The following SND1 variants were observed in gnomAD, a reference collection of about 807,000 sequenced individuals.
SND1 encodes staphylococcal nuclease and tudor domain containing 1, also known as staphylococcal nuclease domain-containing protein 1.
In SND1, 38 loss-of-function variants were observed where a neutral mutation model predicts 121.7. That is an observed-to-expected ratio of 0.31 (90% confidence interval 0.24 to 0.41). The LOEUF is 0.41. Among genes scored for constraint, SND1 ranks in the 10% least tolerant of loss-of-function variants. The probability of loss-of-function intolerance (pLI) is 1.00; values close to 1 mark genes in which losing one functional copy is unlikely to be tolerated. For missense variants in SND1, 868 were observed against 1,184.6 expected, an observed-to-expected ratio of 0.73 and a Z score of 3.92; for synonymous variants, 401 against 447.4, an observed-to-expected ratio of 0.90 and a Z score of 1.31.
intron 10 of SND1, among the ~76,000 whole-genome samples, chr7:127,796,108 T>C (rs369891003): frequency 1.3e-5 from 2 of 151,938 alleles, no homozygotes; most frequent in Admixed American, 1.3e-4. Flanking sequence ...CCGCCCTCCT[T>C]GGCCTCCCAA....
rs114010584 is a variant in SND1 at position 127,785,855 on chromosome 7, A to G, written c.1153-21629A>G. Among the ~76,000 whole-genome samples the G allele has an allele frequency of 9.3e-3, 1,417 of 152,356 alleles. 25 individuals are homozygous for G. The highest frequency in any genetic ancestry group is 0.032 in the African/African-American group (1,345 of 41,586). On this transcript the variant is annotated intron_variant, in intron 10 of 23. Transcript: ENST00000354725. ...GCACAGATCATTGAATTTAAGTTAT[A>G]CTGAGATTGCAGAAGATCTGCCTGC...
intron 16 of SND1, among the ~76,000 whole-genome samples, chr7:128,072,023 A>G (rs1371626114): frequency 6.6e-6 from 1 of 152,244 alleles, no homozygotes; most frequent in Non-Finnish European, 1.5e-5. Flanking sequence ...TGCACCCTGC[A>G]GTGTTGGCCC....
intron 2 of SND1, among the ~76,000 whole-genome samples, chr7:127,688,586 G>A (rs1170818089): frequency 6.6e-6 from 1 of 151,598 alleles, no homozygotes; most frequent in Non-Finnish European, 1.5e-5. Context: ...GCCAGGCATG[G>A]TGGTGCATGC....
intron 10 of SND1, among the ~76,000 whole-genome samples, chr7:127,736,797 G>C (rs140649671): frequency 1.6e-3 from 247 of 152,266 alleles, no homozygotes; most frequent in Non-Finnish European, 3.1e-3. Flanking sequence ...TGAAATAAAG[G>C]GTAGAGTGGA....
chr7:127,761,089 A>G (rs1797297465), intron 10 of SND1, among the ~76,000 whole-genome samples: 1 of 152,148 alleles, frequency 6.6e-6, no homozygotes, highest in Non-Finnish European at 1.5e-5. Context: ...TCACATCTCC[A>G]TATGGTTTTC....
intron 10 of SND1, among the ~76,000 whole-genome samples, chr7:127,745,346 A>G (rs1796961838): frequency 6.6e-6 from 1 of 152,180 alleles, no homozygotes; most frequent in East Asian, 1.9e-4. Context: ...AGTAAATTTT[A>G]TGGGACCACC....
chr7:127,743,854 G>A lies in SND1; in HGVS notation c.1152+22454G>A, dbSNP rs1304914812. On this transcript the variant is annotated intron_variant, in intron 10 of 23. Coordinates refer to ENST00000354725, the MANE Select transcript of SND1 (RefSeq NM_014390.4). ...TATTTTTCCTGTTGAAATTGGCCAA[G>A]GCAATCATGGCTATGGTAGAAGTCT... Among the ~76,000 whole-genome samples, 7 of 152,310 alleles carry A rather than the reference G, an allele frequency of 4.6e-5. No homozygotes were observed. In the East Asian group the frequency reaches 7.7e-4, roughly 17 times the overall value.
intron 1 of SND1, among the ~76,000 whole-genome samples, chr7:127,680,898 G>T (rs761605553): frequency 4.0e-4 from 61 of 151,936 alleles, no homozygotes; most frequent in Admixed American, 3.3e-4. Context: ...GTAAAGACAG[G>T]CATAAGAAAT....
intron 11 of SND1, among the ~76,000 whole-genome samples, chr7:127,828,619 G>C (rs1011048844): frequency 6.6e-6 from 1 of 152,164 alleles, no homozygotes; most frequent in African/African-American, 2.4e-5. Flanking sequence ...TTTTGGCTTT[G>C]TTCTTCTTTC....
intron 10 of SND1, among the ~76,000 whole-genome samples, chr7:127,725,912 T>G (rs1447027217): frequency 6.6e-6 from 1 of 152,224 alleles, no homozygotes; most frequent in Non-Finnish European, 1.5e-5. Context: ...AATGGGACTT[T>G]CCCTTCAAGG....
chr7:127,702,568 T>G, intron 6 of SND1, 42 bp downstream of exon 6: 1 of 1,505,228 alleles, frequency 6.6e-7, no homozygotes. Context: ...TTAGAGTGTG[T>G]GGATGTTCAG....
At chr7:127,822,840 C>T (rs1303624263) in intron 11 of SND1, among the ~76,000 whole-genome samples, 1 of 152,124 alleles carries the variant, frequency 6.6e-6, no homozygotes, top group Admixed American at 6.5e-5. Context: ...TAATCAATAT[C>T]CTGTTGTTGG....
At chr7:128,039,754 G>T (rs1792816123) in intron 16 of SND1, among the ~76,000 whole-genome samples, 1 of 152,134 alleles carries the variant, frequency 6.6e-6, no homozygotes, top group South Asian at 2.1e-4. Context: ...CAAAGGGAGT[G>T]GGGGCTGTTG....
intron 15 of SND1, among the ~76,000 whole-genome samples, chr7:127,952,681 A>G (rs1014930298): frequency 6.6e-6 from 1 of 152,060 alleles, no homozygotes; most frequent in Admixed American, 6.5e-5. Flanking sequence ...ACAGTTAACA[A>G]CAATCTAGAT....
chr7:127,706,403 C>T (rs1796200549), intron 8 of SND1, among the ~76,000 whole-genome samples: 2 of 151,880 alleles, frequency 1.3e-5, no homozygotes, highest in South Asian at 4.2e-4. Context: ...ACTACAGGCG[C>T]ATGCCACCAC....
intron 15 of SND1, among the ~76,000 whole-genome samples, chr7:127,984,585 A>G (rs1802343368): frequency 6.6e-6 from 1 of 152,192 alleles, no homozygotes; most frequent in African/African-American, 2.4e-5. Flanking sequence ...TTCATTCAAC[A>G]TTTATTGAGC....
chr7:128,059,346 C>T (rs969257863), intron 16 of SND1, among the ~76,000 whole-genome samples: 1 of 152,214 alleles, frequency 6.6e-6, no homozygotes, highest in Non-Finnish European at 1.5e-5. Flanking sequence ...CGTGTCTTCT[C>T]ATCTAAATCA....
intron 16 of SND1, among the ~76,000 whole-genome samples, chr7:128,035,742 A>T (rs188769357): frequency 7.9e-4 from 120 of 152,324 alleles, no homozygotes; most frequent in African/African-American, 2.6e-3. Flanking sequence ...CTTCAATAGC[A>T]CCAGTCTGCA....
At chr7:127,814,052 A>C (rs753405385) in intron 11 of SND1, among the ~76,000 whole-genome samples, 31 of 152,224 alleles carry the variant, frequency 2.0e-4, no homozygotes, top group Middle Eastern at 3.4e-3. Flanking sequence ...CTCTTATATT[A>C]ATTTGCTTAT....
Sources: gnomAD v4.1 joint callset for allele counts (sites outside exome capture counted in the v4.1 genomes callset) on GRCh38, gnomAD v4.1.1 for gene constraint, MANE v1.5 for transcripts, NCBI Gene and HGNC (gene_info 2026-07-23, HGNC 2026-07-21) for gene names.